CMTM1: variants seen among roughly 807,000 people sequenced by gnomAD.
CMTM1 encodes CKLF-like MARVEL transmembrane domain-containing protein 1.
A neutral mutation model predicts 17.8 loss-of-function variants in CMTM1; 16 were observed. The ratio of observed to expected loss-of-function variants is 0.90; its 90% CI spans 0.61 to 1.37. The LOEUF (loss-of-function observed/expected upper bound fraction) is 1.37. CMTM1 is among the 40% of genes most tolerant of loss of function. The probability of loss-of-function intolerance (pLI) is 0.00; values close to 1 mark genes in which losing one functional copy is unlikely to be tolerated. For synonymous variants in CMTM1, 169 were observed against 154.6 expected (o/e 1.09, Z -0.69); for missense variants, 354 against 375.6 (o/e 0.94, Z 0.47).
At chr16:66,578,686 A>C in intron 3 of CMTM1, 145 bp from the exon 4 acceptor site, 454 of 910,294 alleles carry the variant, frequency 5.0e-4, no homozygotes, top group Non-Finnish European at 6.6e-4. Context: ...CCAATTGGGC[A>C]GGCGCCAAGA....
intron 2 of CMTM1, among the ~76,000 whole-genome samples, chr16:66,574,291 T>C (rs1186321133): frequency 1.3e-5 from 2 of 152,150 alleles, no homozygotes; most frequent in African/African-American, 4.8e-5. Flanking sequence ...AACACAGCCA[T>C]CAGGGATATC....
intron 2 of CMTM1, among the ~76,000 whole-genome samples, chr16:66,576,032 G>A (rs1297218875): frequency 6.6e-6 from 1 of 152,234 alleles, no homozygotes; most frequent in Non-Finnish European, 1.5e-5. Context: ...TCACCCAGGA[G>A]GGCACTGCCA....
chr16:66,566,827 T>C lies in CMTM1; in HGVS notation c.314T>C (p.Leu105Ser). ...TPSAHTESKL[L>S]NEMAIKERVE... ...TCTGCACACACTGAATCCAAACTCT[T>C]AAATGAGATGGCGATCAAAGAGCGC... Residue 105 changes from leucine (L) to serine (S), a missense_variant, in exon 1 of 4, where the codon TTA (leucine) becomes TCA (serine). Leu to Ser is a moderately radical substitution (Grantham distance 145). Coordinates refer to ENST00000379500, the MANE Select transcript of CMTM1 (RefSeq NM_052999.4). This position sits in a 1 kb window ranked among gnomAD's most constrained non-coding sequence, Gnocchi z 4.9. 1 of 1,613,998 alleles carries C rather than the reference T, an allele frequency of 6.2e-7. No homozygotes were observed. The highest frequency in any genetic ancestry group is 8.5e-7 in the Non-Finnish European group (1 of 1,179,974).
At chr16:66,573,665 A>G (rs1230831510) in intron 2 of CMTM1, among the ~76,000 whole-genome samples, 1 of 151,678 alleles carries the variant, frequency 6.6e-6, no homozygotes, top group Admixed American at 6.6e-5. Context: ...TGTGAAACAA[A>G]TCATGTTTAA....
intron 2 of CMTM1, among the ~76,000 whole-genome samples, chr16:66,576,727 A>G (rs2014296003): frequency 6.6e-6 from 1 of 152,230 alleles, no homozygotes; most frequent in South Asian, 2.1e-4. Context: ...CAGAATTTAC[A>G]TTAAAAAATA....
In CMTM1 at chr16:66,569,933, C is replaced by A. The variant is rs2013237025; in HGVS notation, c.433-3C>A. 2 of 1,572,474 alleles carry A rather than the reference C, an allele frequency of 1.3e-6. No homozygotes were observed. The highest frequency in any genetic ancestry group is 1.4e-5 in the African/African-American group (1 of 72,302). ...AAAACAAATCCTGTTTCTTTTATTG[C>A]AGAGTCTTATCTTAGGAGCATTAGC... is the stretch of plus-strand genomic sequence containing the variant. On this transcript the variant is annotated splice_region_variant and splice_polypyrimidine_tract_variant and intron_variant, in intron 1 of 3. Coordinates refer to ENST00000379500, the MANE Select transcript of CMTM1 (RefSeq NM_052999.4).
In CMTM1 at chr16:66,566,695, C is replaced by T. The variant is rs200222581; in HGVS notation, c.182C>T (p.Ala61Val). The change falls in exon 1 of 4, where the codon GCG (alanine) becomes GTG (valine). Residue 61 changes from alanine to valine, a missense_variant. Coordinates refer to ENST00000379500, the MANE Select transcript of CMTM1 (RefSeq NM_052999.4). The surrounding 1 kb of genome is among the most constrained non-coding windows in gnomAD (Gnocchi z 4.9). ...CACCCCGCAGTCTCAATTCGCAGTG[C>T]GCAGTCCGCAGCCGCCGCACGTCCC... is the stretch of plus-strand genomic sequence containing the variant. ...RKHPAVSIRS[A>V]QSAAAARPQG... is the part of the protein sequence containing the mutation. The T allele has an allele frequency of 6.2e-5, 100 of 1,613,874 alleles. No individual in the cohort carries two copies. Among genetic ancestry groups the T allele is most frequent in the African/African-American group, 5.7e-4 (43 of 75,018 alleles).
intron 2 of CMTM1, among the ~76,000 whole-genome samples, chr16:66,571,776 A>G (rs2013580378): frequency 6.6e-6 from 1 of 152,060 alleles, no homozygotes; most frequent in Non-Finnish European, 1.5e-5. Context: ...TGAGAAATGG[A>G]CTCATGCAGG....
At chr16:66,570,181 C>A in intron 2 of CMTM1, 87 bp downstream of exon 2, 1 of 1,061,378 alleles carries the variant, frequency 9.4e-7, no homozygotes, top group Non-Finnish European at 1.4e-6. Flanking sequence ...AACAACGGAG[C>A]TATCTCTCTA....
chr16:66,567,007 T>C (rs1048592177), intron 1 of CMTM1, 62 bp downstream of exon 1: 5 of 1,562,550 alleles, frequency 3.2e-6, no homozygotes, highest in Admixed American at 3.4e-5. Context: ...CTCGGGGAAA[T>C]GCCCACGGGG....
intron 2 of CMTM1, among the ~76,000 whole-genome samples, chr16:66,571,459 A>C (rs570017715): frequency 1.2e-3 from 184 of 152,156 alleles, no homozygotes; most frequent in Non-Finnish European, 2.3e-3. Flanking sequence ...GGTGCCAGAA[A>C]CTCAGATATG....
chr16:66,570,680 C>T (rs1020798828), intron 2 of CMTM1, among the ~76,000 whole-genome samples: 2 of 152,192 alleles, frequency 1.3e-5, no homozygotes, highest in Non-Finnish European at 1.5e-5. Flanking sequence ...CCCCTCAGGT[C>T]TCAGACTAGA....
At chr16:66,576,374 G>A (rs1182233688) in intron 2 of CMTM1, among the ~76,000 whole-genome samples, 1 of 151,896 alleles carries the variant, frequency 6.6e-6, no homozygotes, top group Non-Finnish European at 1.5e-5. Context: ...CTCTAGCCTG[G>A]GTGACAAGAG....
intron 3 of CMTM1, among the ~76,000 whole-genome samples, chr16:66,578,077 G>A (rs1223965467): frequency 6.6e-6 from 1 of 152,172 alleles, no homozygotes; most frequent in Non-Finnish European, 1.5e-5. Context: ...TGACCATAAA[G>A]AGAAACATCC....
intron 2 of CMTM1, among the ~76,000 whole-genome samples, chr16:66,574,183 A>C (rs1181022263): frequency 2.0e-5 from 3 of 152,216 alleles, no homozygotes; most frequent in African/African-American, 7.2e-5. Context: ...TGAGTCAATA[A>C]GGTATTTAGC....
rs541481496 is a variant in CMTM1 at position 66,567,011 on chromosome 16, C to A, written c.432+66C>A. 4 of 1,525,378 alleles carry A rather than the reference C, an allele frequency of 2.6e-6. No homozygotes were observed. In the African/African-American group the frequency reaches 5.5e-5, roughly 21 times the overall value. The allele number at this position is 1,525,378 out of a possible 1,614,324, so 94.5% of individuals were successfully genotyped here. A position where few individuals can be genotyped will look rare whatever the true frequency, so the allele number is the denominator to read the frequency against. On this transcript the variant is annotated intron_variant, in intron 1 of 3. Coordinates refer to ENST00000379500, the MANE Select transcript of CMTM1 (RefSeq NM_052999.4). Reference sequence around the variant, plus strand: ...CCGGCAGTGGCCTCGGGGAAATGCCCACGGGGTGCCAGCTCCAGAAACCTT... The same window carrying A: ...CCGGCAGTGGCCTCGGGGAAATGCCAACGGGGTGCCAGCTCCAGAAACCTT...
At chr16:66,578,232 C>G (rs2014497892) in intron 3 of CMTM1, among the ~76,000 whole-genome samples, 1 of 152,178 alleles carries the variant, frequency 6.6e-6, no homozygotes, top group Non-Finnish European at 1.5e-5. Context: ...GGCAGCATCC[C>G]ACCCCACCAC....
At chr16:66,567,132 C>A in intron 1 of CMTM1, 187 bp downstream of exon 1, 1 of 671,268 alleles carries the variant, frequency 1.5e-6, no homozygotes, top group Non-Finnish European at 2.6e-6. Flanking sequence ...ACTAAACTTG[C>A]CTCTTTTTTT....
At chr16:66,568,978 G>T (rs182642493) in intron 1 of CMTM1, among the ~76,000 whole-genome samples, 1 of 152,024 alleles carries the variant, frequency 6.6e-6, no homozygotes, top group East Asian at 1.9e-4. Flanking sequence ...ACAATTTAGA[G>T]CAAGATGATT....
Sources: allele counts gnomAD v4.1 joint callset (sites outside exome capture counted in the v4.1 genomes callset), GRCh38; gene constraint gnomAD v4.1.1; non-coding constraint Gnocchi (gnomAD v3.1); transcripts MANE v1.5; gene names NCBI Gene and HGNC (gene_info 2026-07-23, HGNC 2026-07-21).